The following CCDC93 variants were observed in gnomAD, a reference collection of about 807,000 sequenced individuals.
CCDC93 encodes coiled-coil domain-containing protein 93.
Under a neutral mutation model 108.2 loss-of-function variants are expected in CCDC93, and 61 were observed. The observed-to-expected ratio is 0.56, with a 90% CI of 0.46 to 0.70. The LOEUF (loss-of-function observed/expected upper bound fraction) is 0.70. CCDC93 is among the 30% of genes least tolerant of loss of function. CCDC93 has a pLI of 0.00. For missense variants in CCDC93, 685 were observed against 764.2 expected (o/e 0.90, Z 1.22); for synonymous variants, 276 against 260.4 (o/e 1.06, Z -0.58).
At chr2:117,957,540 C>T (rs1230013252) in intron 12 of CCDC93, among the ~76,000 whole-genome samples, 1 of 152,204 alleles carries the variant, frequency 6.6e-6, no homozygotes, top group Non-Finnish European at 1.5e-5. Context: ...CATGCTCCTG[C>T]AGCAAACAGA....
intron 22 of CCDC93, chr2:117,931,357 G>GT: frequency 2.2e-6 from 1 of 457,534 alleles, no homozygotes; most frequent in Middle Eastern, 5.8e-4. Context: ...CTATCACTGA[G>GT]TATTAACTGT....
intron 11 of CCDC93, among the ~76,000 whole-genome samples, chr2:117,958,743 A>G (rs1300204610): frequency 6.6e-6 from 1 of 152,246 alleles, no homozygotes; most frequent in Non-Finnish European, 1.5e-5. Context: ...GGTTATGTCA[A>G]TATCATATAG....
chr2:117,963,586 A>G (rs1004097720), intron 11 of CCDC93, among the ~76,000 whole-genome samples: 2 of 152,242 alleles, frequency 1.3e-5, no homozygotes, highest in Non-Finnish European at 2.9e-5. Context: ...CATGAATTTC[A>G]AAAACCCATA....
At chr2:117,998,935 C>T (rs1374142783) in intron 4 of CCDC93, 3 of 152,118 alleles carry the variant, frequency 2.0e-5, no homozygotes, top group African/African-American at 7.2e-5. Flanking sequence ...AAAGTCTTGG[C>T]CTCGAATTTA....
intron 23 of CCDC93, among the ~76,000 whole-genome samples, chr2:117,930,041 G>C (rs529316740): frequency 2.0e-5 from 3 of 152,346 alleles, no homozygotes; most frequent in African/African-American, 7.2e-5. Flanking sequence ...GGGTATAGTA[G>C]GAGCTGGAAC....
At chr2:117,998,776 G>A (rs1438614938) in intron 4 of CCDC93, 1 of 152,134 alleles carries the variant, frequency 6.6e-6, no homozygotes, top group Non-Finnish European at 1.5e-5. Context: ...TGGGGGAAAG[G>A]TAACAACTTC....
chr2:117,999,901 T>C (rs548341804), intron 4 of CCDC93: 17 of 152,380 alleles, frequency 1.1e-4, no homozygotes, highest in African/African-American at 3.6e-4. Context: ...CCAAACATTT[T>C]TGATGCATTG....
Position 117,922,326 on chromosome 2 carries a change from G to C in CCDC93, c.1843-1930C>G, listed in dbSNP as rs1323704773. Reference sequence around the variant, plus strand: ...CCGTCTCTTCAAAGCAAATACAAAAGAGGCGCTTTGGGTGTTTGTTTCTAG... The same window carrying C: ...CCGTCTCTTCAAAGCAAATACAAAACAGGCGCTTTGGGTGTTTGTTTCTAG... On this transcript the variant is annotated intron_variant, in intron 23 of 23. Coordinates refer to ENST00000376300, the MANE Select transcript of CCDC93 (RefSeq NM_019044.5). Among the ~76,000 whole-genome samples the C allele has an allele frequency of 8.5e-5, 13 of 152,078 alleles. 1 individual carries two copies. Among genetic ancestry groups the C allele is most frequent in the African/African-American group, 3.1e-4 (13 of 41,408 alleles).
At chr2:117,958,184 A>C (rs1270779362) in intron 12 of CCDC93, among the ~76,000 whole-genome samples, 181 bp downstream of exon 12, 1 of 152,218 alleles carries the variant, frequency 6.6e-6, no homozygotes, top group Non-Finnish European at 1.5e-5. Flanking sequence ...GTAGCCTGAA[A>C]GCAGCCACAG....
In CCDC93 at chr2:117,958,365, C is replaced by T. The variant is rs750449284; in HGVS notation, c.1005G>A (p.Glu335=). 1 of 1,564,938 alleles carries T rather than the reference C, an allele frequency of 6.4e-7. No individual in the cohort carries two copies. Among genetic ancestry groups the T allele is most frequent in the Non-Finnish European group, 8.8e-7 (1 of 1,135,154 alleles). The change falls in exon 12 of 24, where the codon GAG becomes GAA. Residue 335 remains glutamate, a splice_region_variant and synonymous_variant. Coordinates refer to ENST00000376300, the MANE Select transcript of CCDC93 (RefSeq NM_019044.5). ...QIAQKTKHLE[E]LRASHTSLQA... is the part of the protein sequence containing the mutation. The stretch of plus-strand genomic sequence containing the variant: ...AAACTTACGAAAAGAAAACACTGAC[C>T]TCTTCAAGATGTTTGGTCTTTTGCG...
rs763914212 is a variant in CCDC93 at position 117,941,304 on chromosome 2, G to C, written c.1414-7C>G. 2 of 1,605,750 alleles carry C rather than the reference G, an allele frequency of 1.2e-6. No homozygotes were observed. The highest frequency in any genetic ancestry group is 3.3e-5 in the Admixed American group (2 of 60,008). ...TTTCTCGATTTCTTCGAGCCTAAAT[G>C]CAAAAGGGAGACAGAGACAGTACTA... On this transcript the variant is annotated splice_region_variant and splice_polypyrimidine_tract_variant and intron_variant, in intron 18 of 23. Transcript: ENST00000376300.
At chr2:117,958,216 G>C in intron 12 of CCDC93, 149 bp downstream of exon 12, 1 of 594,094 alleles carries the variant, frequency 1.7e-6, no homozygotes, top group Non-Finnish European at 3.0e-6. Flanking sequence ...ACAAATGGAT[G>C]TGTTATGTTG....
chr2:118,005,955 C>T (rs1676854470), intron 3 of CCDC93, among the ~76,000 whole-genome samples: 1 of 152,168 alleles, frequency 6.6e-6, no homozygotes, highest in Non-Finnish European at 1.5e-5. Context: ...AAATCTTTGG[C>T]CAACAGTAGG....
chr2:117,928,908 C>T (rs1231758626), intron 23 of CCDC93, among the ~76,000 whole-genome samples: 2 of 152,204 alleles, frequency 1.3e-5, no homozygotes, highest in Admixed American at 1.3e-4. Context: ...GGCACATATA[C>T]ACCACGGAAT....
At chr2:117,922,211 T>C (rs1009896501) in intron 23 of CCDC93, among the ~76,000 whole-genome samples, 3 of 152,170 alleles carry the variant, frequency 2.0e-5, no homozygotes, top group African/African-American at 7.2e-5. Context: ...GGGAACTGTG[T>C]GTGTCACAGA....
At chr2:118,012,287 A>T (rs1035783567) in intron 1 of CCDC93, among the ~76,000 whole-genome samples, 1 of 147,366 alleles carries the variant, frequency 6.8e-6, no homozygotes, top group Non-Finnish European at 1.5e-5. Context: ...AAAAAAAAAA[A>T]GAATGAATTT....
In CCDC93 at chr2:117,985,149, A is replaced by AAC. The variant is rs201318706; in HGVS notation, c.620+819_620+820insGT. ...AGGAAGAAAAAACAAAACAAAACAA[A>AAC]AAAAAAAAAACATAAGCAATTGCAT... On this transcript the variant is annotated intron_variant, in intron 7 of 23. Coordinates refer to ENST00000376300, the MANE Select transcript of CCDC93 (RefSeq NM_019044.5). 1.6e-3 allele frequency among the ~76,000 whole-genome samples: 241 copies of AAC among 151,272 alleles called. No homozygotes were observed. The East Asian group carries it at 0.02, about 13-fold the overall frequency.
At chr2:117,973,758 G>A (rs1171554357) in intron 11 of CCDC93, 150 bp downstream of exon 11, 7 of 646,870 alleles carry the variant, frequency 1.1e-5, no homozygotes, top group Non-Finnish European at 1.7e-5. Flanking sequence ...AGCCGGTTGT[G>A]CATGGTAAAG....
At chr2:117,928,805 G>A (rs1055732907) in intron 23 of CCDC93, among the ~76,000 whole-genome samples, 3 of 152,196 alleles carry the variant, frequency 2.0e-5, no homozygotes, top group South Asian at 2.1e-4. Context: ...AAAGACACAT[G>A]CACACGTATG....
Sources: gnomAD v4.1 joint callset for allele counts (sites outside exome capture counted in the v4.1 genomes callset) on GRCh38, gnomAD v4.1.1 for gene constraint, MANE v1.5 for transcripts, NCBI Gene and HGNC (gene_info 2026-07-23, HGNC 2026-07-21) for gene names.